ITGB3: variants seen among roughly 807,000 people sequenced by gnomAD.
ITGB3 encodes integrin subunit beta 3.
In ITGB3, 48 loss-of-function variants were observed where a neutral mutation model predicts 85.8. That is an observed-to-expected ratio of 0.56 (90% CI 0.44 to 0.71). The LOEUF (loss-of-function observed/expected upper bound fraction) is 0.71. Ranked by LOEUF, ITGB3 falls within the 30% of genes least tolerant of loss-of-function variation. The probability of loss-of-function intolerance (pLI) is 0.00; values close to 1 mark genes in which losing one functional copy is unlikely to be tolerated. For missense variants in ITGB3, 861 were observed against 1,019.1 expected (o/e 0.84, Z 2.11); for synonymous variants, 363 against 395.6 (o/e 0.92, Z 0.98).
At chr17:47,305,114 C>T (rs1330635234) in intron 13 of ITGB3, among the ~76,000 whole-genome samples, 1 of 152,148 alleles carries the variant, frequency 6.6e-6, no homozygotes, top group Non-Finnish European at 1.5e-5. Context: ...CTCCTGGCAC[C>T]CTACCTGCCC....
chr17:47,257,389 A>G (rs948740550), intron 1 of ITGB3, among the ~76,000 whole-genome samples: 2 of 152,244 alleles, frequency 1.3e-5, no homozygotes, highest in African/African-American at 4.8e-5. Context: ...TGCTTTACCC[A>G]TAAGAAAACC....
chr17:47,291,374 A>G (rs899909743), intron 9 of ITGB3: 3 of 575,238 alleles, frequency 5.2e-6, no homozygotes, highest in East Asian at 5.6e-5. Flanking sequence ...AGTTGATTGC[A>G]AAGGAAAATA....
At chr17:47,260,881 A>G (rs1450848927) in intron 1 of ITGB3, among the ~76,000 whole-genome samples, 1 of 151,998 alleles carries the variant, frequency 6.6e-6, no homozygotes, top group Non-Finnish European at 1.5e-5. Context: ...GTACAACATG[A>G]TGTCTTGAAA....
intron 1 of ITGB3, among the ~76,000 whole-genome samples, chr17:47,269,861 A>G (rs375208160): frequency 1.3e-5 from 2 of 152,328 alleles, no homozygotes; most frequent in Admixed American, 6.5e-5. Flanking sequence ...TCACACTGCT[A>G]ATAAAGACAT....
chr17:47,266,121 A>G (rs1316201442), intron 1 of ITGB3, among the ~76,000 whole-genome samples: 1 of 152,198 alleles, frequency 6.6e-6, no homozygotes, highest in East Asian at 1.9e-4. Context: ...CCAGGTGACT[A>G]CAATGAGGCA....
At chr17:47,280,088 A>C (rs1314815081) in intron 2 of ITGB3, 2 of 152,236 alleles carry the variant, frequency 1.3e-5, no homozygotes, top group East Asian at 3.8e-4. Context: ...AGTATTTGCC[A>C]CCAGGAAGGT....
chr17:47,257,342 C>T (rs985023060), intron 1 of ITGB3, among the ~76,000 whole-genome samples: 1 of 152,114 alleles, frequency 6.6e-6, no homozygotes, highest in African/African-American at 2.4e-5. Context: ...GGCAAGAATC[C>T]ACAGAAGAAG....
At chr17:47,303,139 C>T (rs1394343737) in intron 13 of ITGB3, among the ~76,000 whole-genome samples, 1 of 151,914 alleles carries the variant, frequency 6.6e-6, no homozygotes, top group Non-Finnish European at 1.5e-5. Flanking sequence ...AATTCCAGCT[C>T]CTTGGGAGGC....
chr17:47,258,253 G>T (rs532845424), intron 1 of ITGB3, among the ~76,000 whole-genome samples: 39 of 152,176 alleles, frequency 2.6e-4, no homozygotes, highest in Non-Finnish European at 8.8e-5. Flanking sequence ...CCTTCATTGT[G>T]CCTGATGGAG....
At chr17:47,302,592 G>T in intron 12 of ITGB3, 129 bp from the exon 13 acceptor site, 6 of 1,075,352 alleles carry the variant, frequency 5.6e-6, no homozygotes, top group Non-Finnish European at 8.4e-6. Flanking sequence ...TTGAATCTAG[G>T]CATCGTGCAC....
At chr17:47,295,991 G>A (rs1280777072) in intron 10 of ITGB3, among the ~76,000 whole-genome samples, 4 of 152,320 alleles carry the variant, frequency 2.6e-5, no homozygotes, top group South Asian at 2.1e-4. Flanking sequence ...TGCCATTCAC[G>A]TAGGATCAGG....
In ITGB3 at chr17:47,313,354, T is replaced by C. The variant is rs2065223810; in HGVS notation, c.*3150T>C. On this transcript the variant is annotated 3_prime_UTR_variant, in exon 15 of 15. Transcript: ENST00000559488. ...CTGGTTGAAATTTCTTTTCTTTTTT[T>C]TTTTTTTTTTGAGACAGAGTCTTGC... is the stretch of plus-strand genomic sequence containing the variant. Among the ~76,000 whole-genome samples the C allele has an allele frequency of 6.7e-6, 1 of 149,376 alleles. No homozygotes were observed. The highest frequency in any genetic ancestry group is 1.5e-5 in the Non-Finnish European group (1 of 67,178).
chr17:47,299,199 A>G lies in ITGB3; in HGVS notation c.1691-109A>G, dbSNP rs115797866. Reference sequence around the variant, plus strand: ...GTGAGCCAATTCCCTGCCAACCTGGAGGATCATTATCTGTGTGGTTGGGAG... The same window carrying G: ...GTGAGCCAATTCCCTGCCAACCTGGGGGATCATTATCTGTGTGGTTGGGAG... On this transcript the variant is annotated intron_variant, in intron 10 of 14. Coordinates refer to ENST00000559488, the MANE Select transcript of ITGB3 (RefSeq NM_000212.3). This position sits in a 1 kb window ranked among gnomAD's most constrained non-coding sequence, Gnocchi z 5.1. 4.7e-4 allele frequency: 509 copies of G among 1,083,898 alleles called. No homozygotes were observed. The African/African-American group carries it at 6.8e-3, about 15-fold the overall frequency. The allele number at this position is 1,083,898 out of a possible 1,614,324, so 67.1% of individuals were successfully genotyped here. A position where few individuals can be genotyped will look rare whatever the true frequency, so the allele number is the denominator to read the frequency against.
intron 6 of ITGB3, among the ~76,000 whole-genome samples, chr17:47,288,986 G>A (rs998685095): frequency 6.6e-6 from 1 of 152,182 alleles, no homozygotes; most frequent in Non-Finnish European, 1.5e-5. Context: ...CCCTAAGAAA[G>A]GAGGAGGATT....
chr17:47,302,864 G>A lies in ITGB3; in HGVS notation c.2134+24G>A, dbSNP rs745775691. The stretch of plus-strand genomic sequence containing the variant: ...AGGTGAGTGAACCCTGACGGCTCCC[G>A]GCCCTGCCCCAGGAGGGAGAGGGAG... On this transcript the variant is annotated intron_variant, in intron 13 of 14. Transcript: ENST00000559488. The A allele has an allele frequency of 1.4e-5, 22 of 1,613,714 alleles. No homozygotes were observed. The South Asian group carries it at 2.1e-4, about 15-fold the overall frequency.
At position 47,255,329 on chromosome 17, in the gene ITGB3, A is replaced by G. The variant is rs537736783; in HGVS notation, c.79+1389A>G. 3.9e-5 allele frequency among the ~76,000 whole-genome samples: 6 copies of G among 152,108 alleles called. No homozygotes were observed. The East Asian group carries it at 9.7e-4, about 25-fold the overall frequency. ...TTGTTGATAAATTCACTTCAAAGAT[A>G]AACTATTCGAAAATACTTTAGTGAT... is the stretch of plus-strand genomic sequence containing the variant. On this transcript the variant is annotated intron_variant, in intron 1 of 14. Transcript: ENST00000559488.
chr17:47,291,035 A>C lies in ITGB3; in HGVS notation c.1207A>C (p.Asn403His), dbSNP rs1466270644. 1 of 1,614,088 alleles carries C rather than the reference A, an allele frequency of 6.2e-7. No individual in the cohort carries two copies. The highest frequency in any genetic ancestry group is 8.5e-7 in the Non-Finnish European group (1 of 1,179,972). ...SLSFNATCLN[N>H]EVIPGLKSCM... The stretch of plus-strand genomic sequence containing the variant: ...ATCCTTCAATGCCACCTGCCTCAAC[A>C]ATGAGGTCATCCCTGGCCTCAAGTC... Residue 403 changes from asparagine to histidine, a missense_variant, in exon 9 of 15, where the codon AAT becomes CAT. Coordinates refer to ENST00000559488, the MANE Select transcript of ITGB3 (RefSeq NM_000212.3).
chr17:47,302,353 T>C (rs1477902674), intron 12 of ITGB3, among the ~76,000 whole-genome samples: 1 of 152,006 alleles, frequency 6.6e-6, no homozygotes, highest in Non-Finnish European at 1.5e-5. Context: ...CCTTGTGAGG[T>C]GGGGGTATCA....
At chr17:47,264,816 C>A (rs1420804474) in intron 1 of ITGB3, among the ~76,000 whole-genome samples, 1 of 152,222 alleles carries the variant, frequency 6.6e-6, no homozygotes. Flanking sequence ...CACAGAGAGA[C>A]CTTTTCTGAT....
Sources: allele counts gnomAD v4.1 joint callset (sites outside exome capture counted in the v4.1 genomes callset), GRCh38; gene constraint gnomAD v4.1.1; non-coding constraint Gnocchi (gnomAD v3.1); transcripts MANE v1.5; gene names NCBI Gene and HGNC (gene_info 2026-07-23, HGNC 2026-07-21).